Variants in SCFD2 observed in about 807,000 individuals in gnomAD.
The protein encoded by SCFD2 is sec1 family domain-containing protein 2.
In SCFD2, 54 loss-of-function variants were observed where a neutral mutation model predicts 58.9. That is an observed-to-expected ratio of 0.92 (90% CI 0.74 to 1.15). The LOEUF is 1.15. Ranked by LOEUF, SCFD2 falls within the 50% of genes most tolerant of loss-of-function variation. The pLI, the probability that SCFD2 is intolerant of heterozygous loss-of-function variation, is 0.00. For missense variants in SCFD2, 805 were observed against 836.6 expected (o/e 0.96, Z 0.47); for synonymous variants, 321 against 335.9 (o/e 0.96, Z 0.49).
chr4:53,297,085 G>T (rs1248506707), intron 3 of SCFD2, among the ~76,000 whole-genome samples: 1 of 152,124 alleles, frequency 6.6e-6, no homozygotes, highest in Non-Finnish European at 1.5e-5. Context: ...GAATCAGTGT[G>T]GTGTGGTGCT....
intron 5 of SCFD2, among the ~76,000 whole-genome samples, chr4:52,960,318 G>A (rs1720814900): frequency 6.6e-6 from 1 of 151,606 alleles, no homozygotes; most frequent in African/African-American, 2.4e-5. Context: ...CGGCCACCAG[G>A]CCCATGGGCT....
chr4:53,102,383 C>T (rs1388895064), intron 5 of SCFD2, among the ~76,000 whole-genome samples: 2 of 151,984 alleles, frequency 1.3e-5, no homozygotes, highest in African/African-American at 4.8e-5. Flanking sequence ...AATCCAGATG[C>T]AGTTTTTAAA....
At chr4:53,157,303 T>G (rs1297618755) in intron 4 of SCFD2, among the ~76,000 whole-genome samples, 2 of 152,222 alleles carry the variant, frequency 1.3e-5, no homozygotes, top group African/African-American at 4.8e-5. Flanking sequence ...CGAATTTTAA[T>G]GTAAAAGGGT....
chr4:52,965,324 A>T (rs537225354), intron 5 of SCFD2, among the ~76,000 whole-genome samples: 14 of 152,180 alleles, frequency 9.2e-5, no homozygotes, highest in African/African-American at 3.4e-4. Flanking sequence ...CATGCCACAG[A>T]CACTATTTAC....
intron 4 of SCFD2, among the ~76,000 whole-genome samples, chr4:53,250,680 T>C (rs1730330487): frequency 6.6e-6 from 1 of 152,188 alleles, no homozygotes; most frequent in African/African-American, 2.4e-5. Flanking sequence ...GAAATAAAGA[T>C]GTTCTTTGAA....
intron 4 of SCFD2, among the ~76,000 whole-genome samples, chr4:53,225,234 GT>G (rs1398196104): frequency 6.6e-6 from 1 of 152,032 alleles, no homozygotes; most frequent in Non-Finnish European, 1.5e-5. Flanking sequence ...CAATAGTAAT[GT>G]TTCTGAATGA....
intron 5 of SCFD2, among the ~76,000 whole-genome samples, chr4:53,128,505 C>T (rs949328275): frequency 6.6e-6 from 1 of 152,100 alleles, no homozygotes; most frequent in African/African-American, 2.4e-5. Flanking sequence ...TAATGTGCAG[C>T]CTCCCAAGGT....
chr4:53,365,274 A>G lies in SCFD2; in HGVS notation c.668T>C (p.Leu223Pro). The G allele has an allele frequency of 1.2e-6, 2 of 1,614,218 alleles. No individual in the cohort carries two copies. Among genetic ancestry groups the G allele is most frequent in the African/African-American group, 2.7e-5 (2 of 75,058 alleles). Residue 223 changes from leucine to proline, a missense_variant, in exon 1 of 9, where the codon CTC becomes CCC. Coordinates refer to ENST00000401642, the MANE Select transcript of SCFD2 (RefSeq NM_152540.4). The surrounding 1 kb of genome is among the most constrained non-coding windows in gnomAD (Gnocchi z 4.3). ...TCCTAAATGTTCACACAGAGAACTG[A>G]GGCCTGACACTAGGCATCTGATCTG... Reference protein sequence around the residue: ...LLQIRCLVSGLSSLCEHLGVR... With the variant: ...LLQIRCLVSGPSSLCEHLGVR...
chr4:53,247,722 G>T (rs978131170), intron 4 of SCFD2, among the ~76,000 whole-genome samples: 4 of 149,746 alleles, frequency 2.7e-5, no homozygotes, highest in Non-Finnish European at 3.0e-5. Context: ...TTAGCCGGGC[G>T]CGGTGGCGGG....
intron 5 of SCFD2, among the ~76,000 whole-genome samples, chr4:53,068,372 G>C (rs1723722606): frequency 6.6e-6 from 1 of 151,934 alleles, no homozygotes; most frequent in Non-Finnish European, 1.5e-5. Flanking sequence ...ATAAGCATTA[G>C]CACCAGTTAA....
chr4:53,165,459 T>C (rs1339530899), intron 4 of SCFD2, among the ~76,000 whole-genome samples: 1 of 152,204 alleles, frequency 6.6e-6, no homozygotes, highest in Non-Finnish European at 1.5e-5. Flanking sequence ...CAGAGATCCA[T>C]GGCATGCAAT....
At chr4:52,973,374 G>C (rs1721162161) in intron 5 of SCFD2, among the ~76,000 whole-genome samples, 1 of 152,182 alleles carries the variant, frequency 6.6e-6, no homozygotes, top group African/African-American at 2.4e-5. Context: ...ACTACCATCA[G>C]AGAATACTAT....
chr4:52,988,349 A>G (rs939502096), intron 5 of SCFD2, among the ~76,000 whole-genome samples: 2 of 152,184 alleles, frequency 1.3e-5, no homozygotes, highest in Non-Finnish European at 2.9e-5. Context: ...GAAGAACTGG[A>G]TCCCATTGAA....
intron 7 of SCFD2, among the ~76,000 whole-genome samples, chr4:52,896,159 T>G (rs1401615137): frequency 2.6e-5 from 4 of 152,202 alleles, no homozygotes; most frequent in Admixed American, 6.5e-5. Flanking sequence ...AGAAGCTCTT[T>G]AGTTTAATGA....
chr4:53,294,772 G>A (rs1351357915), intron 3 of SCFD2, among the ~76,000 whole-genome samples: 3 of 152,004 alleles, frequency 2.0e-5, no homozygotes, highest in Admixed American at 2.0e-4. Flanking sequence ...TATGGTTTCA[G>A]GTATTGCGTT....
At chr4:53,246,957 G>C (rs1412080776) in intron 4 of SCFD2, among the ~76,000 whole-genome samples, 1 of 140,076 alleles carries the variant, frequency 7.1e-6, no homozygotes, top group Non-Finnish European at 1.5e-5. Context: ...TCTGACAAAG[G>C]TCTAATGTCC....
intron 5 of SCFD2, among the ~76,000 whole-genome samples, chr4:53,079,033 G>A (rs1198578606): frequency 6.6e-6 from 1 of 152,178 alleles, no homozygotes; most frequent in Non-Finnish European, 1.5e-5. Context: ...ATTATAGGAA[G>A]TGGCTCACAT....
chr4:53,089,774 T>C (rs1724418699), intron 5 of SCFD2, among the ~76,000 whole-genome samples: 1 of 152,204 alleles, frequency 6.6e-6, no homozygotes, highest in African/African-American at 2.4e-5. Context: ...GTCCCGTTTG[T>C]AGAATTTCTA....
At chr4:53,358,544 C>T (rs544535494) in intron 1 of SCFD2, among the ~76,000 whole-genome samples, 10 of 144,320 alleles carry the variant, frequency 6.9e-5, no homozygotes, top group Admixed American at 1.4e-4. Context: ...CACAGTGAGA[C>T]GCTGTCTCAG....
Sources: allele counts gnomAD v4.1 joint callset (sites outside exome capture counted in the v4.1 genomes callset), GRCh38; gene constraint gnomAD v4.1.1; non-coding constraint Gnocchi (gnomAD v3.1); transcripts MANE v1.5; gene names NCBI Gene and HGNC (gene_info 2026-07-23, HGNC 2026-07-21).